The following GNAI2 variants were observed in gnomAD, a reference collection of about 807,000 sequenced individuals.
GNAI2 encodes the protein guanine nucleotide-binding protein G(i) subunit alpha-2.
GNAI2 carries 4 observed loss-of-function variants against 36.8 expected under a neutral mutation model. The ratio of observed to expected loss-of-function variants is 0.11; its 90% confidence interval spans 0.05 to 0.25. The LOEUF (loss-of-function observed/expected upper bound fraction) is 0.25. Among genes scored for constraint, GNAI2 ranks in the 10% least tolerant of loss-of-function variants. The probability of loss-of-function intolerance (pLI) is 1.00; values close to 1 mark genes in which losing one functional copy is unlikely to be tolerated. For synonymous variants in GNAI2, 194 were observed against 194.1 expected (o/e 1.00, Z 0.01); for missense variants, 230 against 481.3 (o/e 0.48, Z 4.89).
At chr3:50,228,550 CAAA>C (rs587623155), upstream of GNAI2, among the ~76,000 whole-genome samples, 14 of 94,800 alleles carry the variant, frequency 1.5e-4, no homozygotes, top group East Asian at 2.5e-4. Context: ...ACTCCGTCTC[CAAA>C]AAAAAAAAAA....
In GNAI2 at chr3:50,253,255, C is replaced by A; in HGVS notation, c.464+71C>A. ...AGGACTAAAGGCTGGACCGGAGGGC[C>A]TGAGAACCCCCAGAAGGACACTGCT... On this transcript the variant is annotated intron_variant, in intron 4 of 8. Transcript: ENST00000313601. The surrounding 1 kb of genome is among the most constrained non-coding windows in gnomAD (Gnocchi z 4.2). 1 of 1,234,034 alleles carries A rather than the reference C, an allele frequency of 8.1e-7. No individual in the cohort carries two copies. Among genetic ancestry groups the A allele is most frequent in the Non-Finnish European group, 1.1e-6 (1 of 872,028 alleles). The allele number at this position is 1,234,034 out of a possible 1,614,324, so 76.4% of individuals were successfully genotyped here.
At chr3:50,251,550 G>A (rs926854157) in intron 1 of GNAI2, 43 of 1,181,354 alleles carry the variant, frequency 3.6e-5, no homozygotes, top group Admixed American at 1.1e-4. Context: ...AGACCTGAGC[G>A]CAGTGAGCAG....
intron 1 of GNAI2, chr3:50,251,609 C>A: frequency 7.9e-7 from 1 of 1,264,820 alleles, no homozygotes; most frequent in Non-Finnish European, 1.0e-6. Flanking sequence ...TGACGCTGTG[C>A]TCCTGCTTAG....
rs1167028219 is a variant in GNAI2 at position 50,253,089 on chromosome 3, C to T, written c.369C>T (p.Asp123=). The change falls in exon 4 of 9, where the codon GAC becomes GAT. Residue 123 remains aspartate (D), a synonymous_variant. Transcript: ENST00000313601. The surrounding 1 kb of genome is among the most constrained non-coding windows in gnomAD (Gnocchi z 4.2). ...AGGAGCAAGGCGTGCTCCCTGATGA[C>T]CTGTCCGGCGTCATCCGGAGGCTCT... is the stretch of plus-strand genomic sequence containing the variant. ...TAEEQGVLPD[D]LSGVIRRLWA... 5.6e-6 allele frequency: 9 copies of T among 1,613,154 alleles called. No homozygotes were observed. The highest frequency in any genetic ancestry group is 1.6e-4 in the Middle Eastern group (1 of 6,082).
intron 1 of GNAI2, chr3:50,239,597 T>C (rs782286239): frequency 3.3e-5 from 5 of 152,254 alleles, no homozygotes; most frequent in Non-Finnish European, 7.3e-5. Context: ...GAGCGGCAGT[T>C]TGCATACTGT....
In GNAI2 at chr3:50,252,137, G is replaced by T; in HGVS notation, c.156G>T (p.Gln52His). ...CAGGGAAGAGCACCATCGTCAAGCA[G>T]ATGAAGTAAGTGCTGTATTCCAGAG... ...GESGKSTIVK[Q>H]MKIIHEDGYS... The change falls in exon 2 of 9, where the codon CAG becomes CAT. Residue 52 changes from glutamine to histidine, a missense_variant. This residue lies in a region of GNAI2 where 132 missense variants were observed against 247.4 expected (regional missense o/e 0.53). Coordinates refer to ENST00000313601, the MANE Select transcript of GNAI2 (RefSeq NM_002070.4). This position sits in a 1 kb window ranked among gnomAD's most constrained non-coding sequence, Gnocchi z 4.1. The T allele has an allele frequency of 6.2e-7, 1 of 1,613,770 alleles. No individual in the cohort carries two copies. The highest frequency in any genetic ancestry group is 8.5e-7 in the Non-Finnish European group (1 of 1,179,778).
upstream of GNAI2, chr3:50,230,707 C>A: frequency 1.6e-6 from 1 of 608,536 alleles, no homozygotes; most frequent in Non-Finnish European, 2.1e-6. Flanking sequence ...TGCCACTTCT[C>A]CATTCCAGCT....
In GNAI2 at chr3:50,252,013, CCT is replaced by C; in HGVS notation, c.119-86_119-85del. The C allele has an allele frequency of 1.5e-6, 2 of 1,336,874 alleles. No individual in the cohort carries two copies. The highest frequency in any genetic ancestry group is 2.1e-6 in the Non-Finnish European group (2 of 941,546). 82.8% of individuals were successfully genotyped at this position (1,336,874 alleles called of 1,614,324 possible). On this transcript the variant is annotated intron_variant, in intron 1 of 8. Coordinates refer to ENST00000313601, the MANE Select transcript of GNAI2 (RefSeq NM_002070.4). This position sits in a 1 kb window ranked among gnomAD's most constrained non-coding sequence, Gnocchi z 4.1. ...GCTGGTGGGAAGGTTAGTTCTGCCT[CCT>C]GGGCTACAGGTGTCTGGGCATTTGT...
At chr3:50,243,512 A>G (rs1278596612) in intron 1 of GNAI2, among the ~76,000 whole-genome samples, 1 of 152,192 alleles carries the variant, frequency 6.6e-6, no homozygotes, top group South Asian at 2.1e-4. Context: ...GCCTCAGCCT[A>G]AGGATTCTCC....
In GNAI2 at chr3:50,238,309, G is replaced by A. The variant is rs1226363740; in HGVS notation, c.118+1856G>A. The A allele has an allele frequency of 6.6e-6, 1 of 152,310 alleles. No individual in the cohort carries two copies. Among genetic ancestry groups the A allele is most frequent in the Non-Finnish European group, 1.5e-5 (1 of 68,096 alleles). The allele number at this position is 152,310 out of a possible 1,614,324, so 9.4% of individuals were successfully genotyped here. A position where few individuals can be genotyped will look rare whatever the true frequency, so the allele number is the denominator to read the frequency against. ...CGAGGAAATGCAAGACTGGACCATAGAGCTGGGGGAACGCAGGGCTTCTGG... is the reference window on the plus strand; with the variant it reads ...CGAGGAAATGCAAGACTGGACCATAAAGCTGGGGGAACGCAGGGCTTCTGG... On this transcript the variant is annotated intron_variant, in intron 1 of 8. Coordinates refer to ENST00000313601, the MANE Select transcript of GNAI2 (RefSeq NM_002070.4). This position sits in a 1 kb window ranked among gnomAD's most constrained non-coding sequence, Gnocchi z 5.0.
intron 7 of GNAI2, 82 bp downstream of exon 7, chr3:50,257,172 G>GC: frequency 3.3e-6 from 4 of 1,206,518 alleles, no homozygotes; most frequent in Non-Finnish European, 4.8e-6. Context: ...GCCCTCAGGC[G>GC]CCCCCCACTG....
chr3:50,227,499 C>T, upstream of GNAI2: 1 of 240,592 alleles, frequency 4.2e-6, no homozygotes, highest in Non-Finnish European at 8.0e-6. This position sits in a 1 kb window ranked among gnomAD's most constrained non-coding sequence, Gnocchi z 5.9. Context: ...CCAGGCCCGC[C>T]AGGAGGCGCC....
At chr3:50,231,184 G>C (rs587720816) in intron 1 of GNAI2, among the ~76,000 whole-genome samples, 12 of 152,264 alleles carry the variant, frequency 7.9e-5, no homozygotes, top group African/African-American at 2.9e-4. Context: ...ACCTTCCCAG[G>C]CACTATTGGT....
At chr3:50,247,890 A>C (rs1575447749) in intron 1 of GNAI2, among the ~76,000 whole-genome samples, 1 of 152,246 alleles carries the variant, frequency 6.6e-6, no homozygotes, top group Non-Finnish European at 1.5e-5. Context: ...GGAGGGGCTG[A>C]TTCATGCCAC....
In GNAI2 at chr3:50,256,244, C is replaced by T; in HGVS notation, c.517C>T (p.Gln173Ter). 6.2e-7 allele frequency: 1 copy of T among 1,609,556 alleles called. No individual in the cohort carries two copies. The highest frequency in any genetic ancestry group is 8.5e-7 in the Non-Finnish European group (1 of 1,176,432). The change falls in exon 5 of 9, where the codon CAA becomes TAA. Residue 173 changes from glutamine to a stop codon, truncating the protein, a stop_gained. Coordinates refer to ENST00000313601, the MANE Select transcript of GNAI2 (RefSeq NM_002070.4). LOFTEE classifies it high-confidence loss of function. ...IAQSDYIPTQ[Q>*]DVLRTRVKTT... ...ACAGAGTGACTACATCCCCACACAG[C>T]AAGATGTGCTACGGACCCGCGTAAA...
At chr3:50,237,432 G>A (rs1553700501) in intron 1 of GNAI2, among the ~76,000 whole-genome samples, 1 of 152,242 alleles carries the variant, frequency 6.6e-6, no homozygotes, top group African/African-American at 2.4e-5. Flanking sequence ...GGGGGAAGTG[G>A]AAGTGGTGAG....
upstream of GNAI2, chr3:50,230,629 A>G (rs1207314929): frequency 2.3e-5 from 4 of 170,220 alleles, no homozygotes; most frequent in Non-Finnish European, 4.7e-5. Flanking sequence ...ACTCAGGCCA[A>G]GCTGGACCTG....
rs1700598492 is a variant in GNAI2, at chr3:50,252,892, G to GGTT, written c.304-131_304-129dup. 2.8e-6 allele frequency: 2 copies of GGTT among 721,880 alleles called. No homozygotes were observed. The highest frequency in any genetic ancestry group is 3.5e-5 in the African/African-American group (2 of 56,906). The allele number at this position is 721,880 out of a possible 1,614,324, so 44.7% of individuals were successfully genotyped here. On this transcript the variant is annotated intron_variant, in intron 3 of 8. Transcript: ENST00000313601. The surrounding 1 kb of genome is among the most constrained non-coding windows in gnomAD (Gnocchi z 4.1). ...AAAAAGTAAACAACAACAACAAAAA[G>GGTT]GTTTTAGGGCAAGTCTCATCCTAGG...
In GNAI2 at chr3:50,256,219, A is replaced by C; in HGVS notation, c.492A>C (p.Ala164=). 1.3e-6 allele frequency: 2 copies of C among 1,541,848 alleles called. No individual in the cohort carries two copies. Among genetic ancestry groups the C allele is most frequent in the Non-Finnish European group, 8.8e-7 (1 of 1,139,560 alleles). Residue 164 remains alanine, a synonymous_variant, in exon 5 of 9, where the codon GCA becomes GCC. Transcript: ENST00000313601. ...AYYLNDLERI[A]QSDYIPTQQD... is the part of the protein sequence containing the mutation. ...ACCTGAACGACCTGGAGCGTATTGC[A>C]CAGAGTGACTACATCCCCACACAGC...
Sources: allele counts gnomAD v4.1 joint callset (sites outside exome capture counted in the v4.1 genomes callset), GRCh38; gene constraint gnomAD v4.1.1; regional missense constraint gnomAD v4.1.1; non-coding constraint Gnocchi (gnomAD v3.1); transcripts MANE v1.5; gene names NCBI Gene and HGNC (gene_info 2026-07-23, HGNC 2026-07-21).